Variants in PCDHA2 observed in about 807,000 individuals in gnomAD.
PCDHA2 encodes protocadherin alpha-2.
A neutral mutation model predicts 66.0 loss-of-function variants in PCDHA2; 58 were observed. The ratio of observed to expected loss-of-function variants is 0.88; its 90% CI spans 0.71 to 1.09. PCDHA2 has a LOEUF of 1.09. Ranked by LOEUF, PCDHA2 falls within the 50% of genes least tolerant of loss-of-function variation. The pLI, the probability that PCDHA2 is intolerant of heterozygous loss-of-function variation, is 0.00. For missense variants in PCDHA2, 1,267 were observed against 1,242.3 expected, an observed-to-expected ratio of 1.02 and a Z score of -0.30; for synonymous variants, 634 against 554.0, an observed-to-expected ratio of 1.14 and a Z score of -2.03.
intron 1 of PCDHA2, chr5:140,843,947 C>G: frequency 1.8e-6 from 1 of 565,064 alleles, no homozygotes; most frequent in Non-Finnish European, 3.1e-6. Context: ...GGATGATATC[C>G]ATTTTTTACT....
intron 1 of PCDHA2, chr5:140,843,500 C>T: frequency 1.3e-6 from 2 of 1,596,010 alleles, no homozygotes; most frequent in South Asian, 1.1e-5. Flanking sequence ...CTCAGCACTG[C>T]CCACTGAGGG....
intron 1 of PCDHA2, among the ~76,000 whole-genome samples, chr5:140,978,653 G>T (rs527551897): frequency 6.6e-6 from 1 of 152,196 alleles, no homozygotes; most frequent in Non-Finnish European, 1.5e-5. Flanking sequence ...TGTTCTTCCC[G>T]TAGTGTTTTA....
At chr5:140,827,398 G>A (rs1232238137) in intron 1 of PCDHA2, among the ~76,000 whole-genome samples, 1 of 152,200 alleles carries the variant, frequency 6.6e-6, no homozygotes, top group East Asian at 1.9e-4. Flanking sequence ...TAAATTAAAT[G>A]TGATAAAGAA....
intron 1 of PCDHA2, chr5:140,812,411 TG>T (rs1554125981): frequency 6.6e-6 from 1 of 152,160 alleles, no homozygotes; most frequent in East Asian, 1.9e-4. Context: ...TTGTCAGTTT[TG>T]TTGTTTTTTC....
chr5:140,834,546 G>A, intron 1 of PCDHA2: 1 of 1,614,062 alleles, frequency 6.2e-7, no homozygotes, highest in Non-Finnish European at 8.5e-7. Context: ...CCTGGGGCTG[G>A]AGCTGGCGGA....
intron 1 of PCDHA2, chr5:140,969,328 T>C (rs2096319778): frequency 1.2e-6 from 2 of 1,614,124 alleles, no homozygotes; most frequent in Admixed American, 1.7e-5. Flanking sequence ...TTTCTCAAAA[T>C]GAGGTGAGAC....
At chr5:140,842,966 G>A (rs1481565497) in intron 1 of PCDHA2, 7 of 1,595,016 alleles carry the variant, frequency 4.4e-6, no homozygotes, top group East Asian at 2.2e-5. Context: ...GGGCAGCAAC[G>A]TGACGCTGCA....
chr5:140,931,247 C>G (rs782447233), intron 1 of PCDHA2, among the ~76,000 whole-genome samples: 4 of 152,032 alleles, frequency 2.6e-5, no homozygotes, highest in African/African-American at 4.8e-5. Flanking sequence ...CTTTTCCTAC[C>G]AAGAAATTTC....
intron 1 of PCDHA2, chr5:140,869,639 C>T: frequency 6.2e-7 from 1 of 1,613,534 alleles, no homozygotes; most frequent in Non-Finnish European, 8.5e-7. Context: ...GAGTATTTTT[C>T]TTTAGATTCA....
chr5:140,812,237 G>A (rs2126636620), intron 1 of PCDHA2: 1 of 151,596 alleles, frequency 6.6e-6, no homozygotes, highest in African/African-American at 2.4e-5. Flanking sequence ...ATTATGTCTT[G>A]GTAGTTTGTA....
At chr5:140,798,024 T>G (rs907698427) in intron 1 of PCDHA2, among the ~76,000 whole-genome samples, 11 of 152,084 alleles carry the variant, frequency 7.2e-5, no homozygotes, top group Non-Finnish European at 1.6e-4. Flanking sequence ...GGCTATTTTC[T>G]TTTTTAAATT....
chr5:140,808,718 C>T (rs1288388505), intron 1 of PCDHA2: 1 of 1,612,082 alleles, frequency 6.2e-7, no homozygotes, highest in Non-Finnish European at 8.5e-7. Flanking sequence ...CGTTTCGGTG[C>T]ATGCGGAGAG....
Position 140,929,404 on chromosome 5 carries a change from G to A in PCDHA2, c.2389-49545G>A, listed in dbSNP as rs530409256. 1.4e-5 allele frequency: 21 copies of A among 1,506,596 alleles called. No individual in the cohort carries two copies. The South Asian group carries it at 1.9e-4, about 14-fold the overall frequency. The allele number at this position is 1,506,596 out of a possible 1,614,324, so 93.3% of individuals were successfully genotyped here. A position where few individuals can be genotyped will look rare whatever the true frequency, so the allele number is the denominator to read the frequency against. ...GTGTTTTGAAATATTTCTTAGACAAGCCTTTCACAACATTTCATCAATTGA... is the reference window on the plus strand; with the variant it reads ...GTGTTTTGAAATATTTCTTAGACAAACCTTTCACAACATTTCATCAATTGA... On this transcript the variant is annotated intron_variant, in intron 1 of 3. Coordinates refer to ENST00000526136, the MANE Select transcript of PCDHA2 (RefSeq NM_018905.3).
At chr5:140,960,306 A>G (rs1554224657) in intron 1 of PCDHA2, among the ~76,000 whole-genome samples, 1 of 152,136 alleles carries the variant, frequency 6.6e-6, no homozygotes, top group African/African-American at 2.4e-5. Context: ...ATCAATACCA[A>G]CCTCATTAGG....
chr5:140,809,445 A>G (rs782301046), intron 1 of PCDHA2: 8 of 1,614,234 alleles, frequency 5.0e-6, no homozygotes, highest in Non-Finnish European at 6.8e-6. Flanking sequence ...TACTCGCAGC[A>G]GAGGAGGCCG....
At chr5:141,009,391 C>T (rs1006846075) in intron 3 of PCDHA2, among the ~76,000 whole-genome samples, 1 of 152,086 alleles carries the variant, frequency 6.6e-6, no homozygotes, top group Non-Finnish European at 1.5e-5. Context: ...CACAGGAGGT[C>T]GAGGCTGCAG....
chr5:140,949,958 T>G (rs1192385409), intron 1 of PCDHA2, among the ~76,000 whole-genome samples: 1 of 151,896 alleles, frequency 6.6e-6, no homozygotes, highest in Non-Finnish European at 1.5e-5. Context: ...GTGGTTGCTG[T>G]AAGGATTACA....
At chr5:140,840,854 C>T (rs2150309759) in intron 1 of PCDHA2, among the ~76,000 whole-genome samples, 10 of 151,908 alleles carry the variant, frequency 6.6e-5, no homozygotes, top group Admixed American at 2.6e-4. Flanking sequence ...TTCTTCCACA[C>T]GAAACTATGG....
intron 1 of PCDHA2, among the ~76,000 whole-genome samples, chr5:140,832,218 GGA>G (rs1345967956): frequency 6.6e-6 from 1 of 152,174 alleles, no homozygotes; most frequent in Non-Finnish European, 1.5e-5. Context: ...GTGATTTCCT[GGA>G]GTTGGTTTTG....
Sources: allele counts gnomAD v4.1 joint callset (sites outside exome capture counted in the v4.1 genomes callset), GRCh38; gene constraint gnomAD v4.1.1; transcripts MANE v1.5; gene names NCBI Gene and HGNC (gene_info 2026-07-23, HGNC 2026-07-21).